RALYL: variants seen among roughly 807,000 people sequenced by gnomAD.
The protein encoded by RALYL is RNA-binding Raly-like protein.
In RALYL, 29 loss-of-function variants were observed where a neutral mutation model predicts 35.1. The observed-to-expected ratio is 0.83, with a 90% CI of 0.61 to 1.13. The LOEUF (loss-of-function observed/expected upper bound fraction) is 1.13. Ranked by LOEUF, RALYL falls within the 50% of genes most tolerant of loss-of-function variation. The pLI, the probability that RALYL is intolerant of heterozygous loss-of-function variation, is 0.00. For missense variants in RALYL, 359 were observed against 360.4 expected (o/e 1.00, Z 0.03); for synonymous variants, 120 against 127.6 (o/e 0.94, Z 0.40).
chr8:84,786,673 G>A (rs927834547), intron 3 of RALYL, among the ~76,000 whole-genome samples: 4 of 152,032 alleles, frequency 2.6e-5, no homozygotes, highest in Non-Finnish European at 4.4e-5. Context: ...TTTTAATAGA[G>A]TTGTTTGTTT....
At chr8:84,547,306 T>C (rs1289900247) in intron 2 of RALYL, among the ~76,000 whole-genome samples, 1 of 152,208 alleles carries the variant, frequency 6.6e-6, no homozygotes, top group Non-Finnish European at 1.5e-5. Flanking sequence ...GCTATATTTT[T>C]CTAAAATTCT....
At chr8:84,653,698 C>A (rs920118516) in intron 2 of RALYL, among the ~76,000 whole-genome samples, 1 of 148,714 alleles carries the variant, frequency 6.7e-6, no homozygotes, top group Admixed American at 6.7e-5. Context: ...TCCTGACATA[C>A]CTCCATAAAA....
intron 2 of RALYL, among the ~76,000 whole-genome samples, chr8:84,619,294 A>G (rs1250776796): frequency 6.6e-6 from 1 of 151,696 alleles, no homozygotes; most frequent in African/African-American, 2.4e-5. Context: ...GGGTGCATAT[A>G]TATTTAGGAT....
intron 3 of RALYL, among the ~76,000 whole-genome samples, chr8:84,795,816 T>A (rs1045285895): frequency 2.0e-5 from 3 of 152,146 alleles, no homozygotes; most frequent in African/African-American, 7.2e-5. Flanking sequence ...GACATGAAAA[T>A]CAAAACTGAT....
At chr8:84,429,679 T>A (rs963575120) in intron 1 of RALYL, among the ~76,000 whole-genome samples, 1 of 152,122 alleles carries the variant, frequency 6.6e-6, no homozygotes, top group East Asian at 1.9e-4. Flanking sequence ...ACTGTCACAC[T>A]GTAAGCATTC....
At chr8:84,423,675 C>A (rs988438569) in intron 1 of RALYL, among the ~76,000 whole-genome samples, 14 of 151,884 alleles carry the variant, frequency 9.2e-5, no homozygotes, top group Non-Finnish European at 8.8e-5. Context: ...CATGGTTTTG[C>A]AGTGGCTGGT....
chr8:84,361,522 A>G (rs192518963), intron 1 of RALYL, among the ~76,000 whole-genome samples: 4 of 152,306 alleles, frequency 2.6e-5, no homozygotes, highest in Admixed American at 2.6e-4. Context: ...GAATCTAGTC[A>G]CATATTATTT....
intron 3 of RALYL, among the ~76,000 whole-genome samples, chr8:84,792,327 G>C (rs1820974134): frequency 6.6e-6 from 1 of 152,150 alleles, no homozygotes; most frequent in South Asian, 2.1e-4. Flanking sequence ...TTCCCCTGGA[G>C]TTTGGCCACC....
chr8:84,606,995 G>T lies in RALYL; in HGVS notation c.256+77418G>T, dbSNP rs531374889. On this transcript the variant is annotated intron_variant, in intron 2 of 8. Coordinates refer to ENST00000521268, the MANE Select transcript of RALYL (RefSeq NM_173848.7). ...AATAATGCTGTCCTTCTAGAAGTGG[G>T]GTGTGTGTGTGTGTGTTTGTTTAAA... 4.6e-5 allele frequency among the ~76,000 whole-genome samples: 7 copies of T among 151,006 alleles called. 1 individual carries two copies. In the South Asian group the frequency reaches 1.5e-3, roughly 32 times the overall value.
intron 4 of RALYL, among the ~76,000 whole-genome samples, chr8:84,811,147 C>T (rs895131924): frequency 2.6e-5 from 4 of 151,638 alleles, no homozygotes; most frequent in Admixed American, 6.6e-5. Flanking sequence ...TGTTTTGATG[C>T]GTTTCCAGGA....
chr8:84,567,473 T>C (rs778727070), intron 2 of RALYL, among the ~76,000 whole-genome samples: 1 of 151,830 alleles, frequency 6.6e-6, no homozygotes, highest in Non-Finnish European at 1.5e-5. Context: ...TTTGATTTTT[T>C]GTTCTGAGAT....
intron 7 of RALYL, among the ~76,000 whole-genome samples, chr8:84,877,713 G>A (rs1032018560): frequency 1.3e-5 from 2 of 151,910 alleles, no homozygotes; most frequent in African/African-American, 4.8e-5. Context: ...ATTTAACTTG[G>A]TTTTGCACCT....
At chr8:84,628,086 A>C (rs1388583221) in intron 2 of RALYL, among the ~76,000 whole-genome samples, 1 of 152,120 alleles carries the variant, frequency 6.6e-6, no homozygotes. Context: ...ATACCTTTCA[A>C]TGACTTACTG....
chr8:84,864,922 C>A (rs759258102), intron 6 of RALYL: 22 of 313,818 alleles, frequency 7.0e-5, no homozygotes, highest in Non-Finnish European at 1.1e-4. Context: ...TATAGAAAGA[C>A]AACAGACTGA....
intron 1 of RALYL, among the ~76,000 whole-genome samples, chr8:84,497,341 T>C (rs2056143967): frequency 6.6e-6 from 1 of 152,272 alleles, no homozygotes; most frequent in East Asian, 1.9e-4. Flanking sequence ...TTTCACAATA[T>C]GGTGACTATA....
At chr8:84,515,418 A>C (rs2057981791) in intron 1 of RALYL, among the ~76,000 whole-genome samples, 1 of 152,320 alleles carries the variant, frequency 6.6e-6, no homozygotes, top group Non-Finnish European at 1.5e-5. Flanking sequence ...TAGGAATTAC[A>C]TATCCCTTAA....
intron 1 of RALYL, among the ~76,000 whole-genome samples, chr8:84,200,207 ATACT>A (rs566951754): frequency 7.9e-4 from 120 of 152,290 alleles, no homozygotes; most frequent in African/African-American, 2.8e-3. Context: ...CCATTTACAA[ATACT>A]TAATTATATT....
At chr8:84,804,675 A>T in intron 3 of RALYL, 95 bp from the exon 4 acceptor site, 1 of 538,618 alleles carries the variant, frequency 1.9e-6, no homozygotes, top group South Asian at 4.2e-5. Flanking sequence ...TTTCATCCAA[A>T]CAAGTATAAT....
At position 84,738,916 on chromosome 8, in the gene RALYL, T is replaced by G. The variant is rs576405648; in HGVS notation, c.257-35663T>G. 2.6e-5 allele frequency among the ~76,000 whole-genome samples: 4 copies of G among 152,104 alleles called. No individual in the cohort carries two copies. In the South Asian group the frequency reaches 8.3e-4, roughly 32 times the overall value. On this transcript the variant is annotated intron_variant, in intron 2 of 8. Coordinates refer to ENST00000521268, the MANE Select transcript of RALYL (RefSeq NM_173848.7). ...AACCAATGGGACTTAATTCAAAAATTAAATATGTATTCCTAAACCAATCAT... is the reference window on the plus strand; with the variant it reads ...AACCAATGGGACTTAATTCAAAAATGAAATATGTATTCCTAAACCAATCAT...
Sources: allele counts gnomAD v4.1 joint callset (sites outside exome capture counted in the v4.1 genomes callset), GRCh38; gene constraint gnomAD v4.1.1; transcripts MANE v1.5; gene names NCBI Gene and HGNC (gene_info 2026-07-23, HGNC 2026-07-21).